The following PAQR3 variants were observed in gnomAD, a reference collection of about 807,000 sequenced individuals.
The protein encoded by PAQR3 is Raf kinase trapping to Golgi.
PAQR3 carries 39 observed loss-of-function variants against 41.7 expected under a neutral mutation model. The ratio of observed to expected loss-of-function variants is 0.93; its 90% CI spans 0.72 to 1.22. The LOEUF (loss-of-function observed/expected upper bound fraction) is 1.22. Ranked by LOEUF, PAQR3 falls within the 50% of genes most tolerant of loss-of-function variation. PAQR3 has a pLI of 0.00. For synonymous variants in PAQR3, 140 were observed against 140.6 expected (o/e 1.00, Z 0.03); for missense variants, 366 against 385.6 (o/e 0.95, Z 0.42).
In PAQR3 at chr4:78,914,456, A is replaced by G. The variant is rs748799523; in HGVS notation, c.*6083T>C. ...GATTCCTTTGTGTTGTAGTAGAGGC[A>G]TTTTCCTAAGGAGTATAGATTTATA... On this transcript the variant is annotated 3_prime_UTR_variant, in exon 6 of 6. Transcript: ENST00000512733. The G allele has an allele frequency of 6.6e-6, 1 of 151,904 alleles. No individual in the cohort carries two copies. Among genetic ancestry groups the G allele is most frequent in the Non-Finnish European group, 1.5e-5 (1 of 67,916 alleles). The allele number at this position is 151,904 out of a possible 1,614,324, so 9.4% of individuals were successfully genotyped here. A position where few individuals can be genotyped will look rare whatever the true frequency, so the allele number is the denominator to read the frequency against.
Position 78,887,143 on chromosome 4 carries a change from T to G in PAQR3, c.*1091A>C, listed in dbSNP as rs772920764. 3 of 1,379,372 alleles carry G rather than the reference T, an allele frequency of 2.2e-6. No individual in the cohort carries two copies. The South Asian group carries it at 3.8e-5, about 18-fold the overall frequency. The allele number at this position is 1,379,372 out of a possible 1,614,324, so 85.4% of individuals were successfully genotyped here. ...TAAAGATCATTTTTATTTCATTTCA[T>G]TTTTTATTTCGTTTCATCTTATTTT... On this transcript the variant is annotated 3_prime_UTR_variant and NMD_transcript_variant, in exon 13 of 13. Transcript: ENST00000342820.
At chr4:78,903,693 TA>T (rs1198715818) in intron 11 of PAQR3, among the ~76,000 whole-genome samples, 3 of 151,848 alleles carry the variant, frequency 2.0e-5, no homozygotes, top group Admixed American at 1.3e-4. Flanking sequence ...TACAGAATAT[TA>T]AAAAAAATTT....
In PAQR3 at chr4:78,918,012, T is replaced by C; in HGVS notation, c.*2527A>G. On this transcript the variant is annotated 3_prime_UTR_variant, in exon 6 of 6. Transcript: ENST00000512733. ...GCTTACTGAATTGCAGTTAGTGTAATAACAAAAAAAGACAAGCACTGTCTT... is the reference window on the plus strand; with the variant it reads ...GCTTACTGAATTGCAGTTAGTGTAACAACAAAAAAAGACAAGCACTGTCTT... The C allele has an allele frequency of 1.3e-5, 13 of 982,430 alleles. No individual in the cohort carries two copies. The highest frequency in any genetic ancestry group is 1.5e-5 in the Non-Finnish European group (12 of 826,902). 60.9% of individuals were successfully genotyped at this position (982,430 alleles called of 1,614,324 possible). A position where few individuals can be genotyped will look rare whatever the true frequency, so the allele number is the denominator to read the frequency against.
At chr4:78,934,315 T>C (rs1247383960) in intron 2 of PAQR3, among the ~76,000 whole-genome samples, 1 of 152,210 alleles carries the variant, frequency 6.6e-6, no homozygotes, top group Non-Finnish European at 1.5e-5. Context: ...AAAGCGACAT[T>C]TGTGCAGCTG....
chr4:78,933,139 C>A, intron 2 of PAQR3: 1 of 455,778 alleles, frequency 2.2e-6, no homozygotes, highest in Non-Finnish European at 4.4e-6. Flanking sequence ...AAATGCCCTG[C>A]CTCACTGTCT....
At position 78,939,248 on chromosome 4, in the gene PAQR3, C is replaced by T; in HGVS notation, c.-24G>A. The stretch of plus-strand genomic sequence containing the variant: ...ATCGTTCCCGGCCGCCGCCGCTCCC[C>T]GGCTCGGGAGCTCCCCCAGGTCCCG... On this transcript the variant is annotated 5_prime_UTR_variant, in exon 1 of 6. Coordinates refer to ENST00000512733, the MANE Select transcript of PAQR3 (RefSeq NM_001040202.2). The T allele has an allele frequency of 6.4e-7, 1 of 1,569,918 alleles. No individual in the cohort carries two copies. Among genetic ancestry groups the T allele is most frequent in the African/African-American group, 1.4e-5 (1 of 71,146 alleles).
chr4:78,919,027 G>T lies in PAQR3; in HGVS notation c.*1512C>A. The stretch of plus-strand genomic sequence containing the variant: ...ATTCCTTTACTGAGCCTCCTGGGGG[G>T]AAATTCTCTTTGCTGAGATACTATA... On this transcript the variant is annotated 3_prime_UTR_variant, in exon 6 of 6. Transcript: ENST00000512733. 1 of 984,966 alleles carries T rather than the reference G, an allele frequency of 1.0e-6. No individual in the cohort carries two copies. Among genetic ancestry groups the T allele is most frequent in the Non-Finnish European group, 1.2e-6 (1 of 829,724 alleles). 61.0% of individuals were successfully genotyped at this position (984,966 alleles called of 1,614,324 possible). A position where few individuals can be genotyped will look rare whatever the true frequency, so the allele number is the denominator to read the frequency against.
intron 2 of PAQR3, among the ~76,000 whole-genome samples, chr4:78,931,531 A>G (rs1196194928): frequency 6.6e-6 from 1 of 152,252 alleles, no homozygotes; most frequent in Admixed American, 6.5e-5. Context: ...AATGCCTTTC[A>G]GCTATTAAGT....
chr4:78,918,574 C>T lies in PAQR3; in HGVS notation c.*1965G>A. 1 of 974,752 alleles carries T rather than the reference C, an allele frequency of 1.0e-6. No individual in the cohort carries two copies. The highest frequency in any genetic ancestry group is 1.2e-6 in the Non-Finnish European group (1 of 819,954). The allele number at this position is 974,752 out of a possible 1,614,324, so 60.4% of individuals were successfully genotyped here. The stretch of plus-strand genomic sequence containing the variant: ...AATTTTCCCTACAGAAAGACCTGTA[C>T]ACCCTTTAAATTCAAAGAAACACGG... On this transcript the variant is annotated 3_prime_UTR_variant, in exon 6 of 6. Coordinates refer to ENST00000512733, the MANE Select transcript of PAQR3 (RefSeq NM_001040202.2).
At chr4:78,893,570 A>G (rs1210798794) in intron 11 of PAQR3, among the ~76,000 whole-genome samples, 1 of 152,208 alleles carries the variant, frequency 6.6e-6, no homozygotes, top group Non-Finnish European at 1.5e-5. Flanking sequence ...TTCTTAAATA[A>G]TAAGACTTTT....
rs1292396673 is a variant in PAQR3 at position 78,912,018 on chromosome 4, T to C, written c.*8521A>G. 1.9e-6 allele frequency: 3 copies of C among 1,610,332 alleles called. No homozygotes were observed. On this transcript the variant is annotated 3_prime_UTR_variant, in exon 6 of 6. Coordinates refer to ENST00000512733, the MANE Select transcript of PAQR3 (RefSeq NM_001040202.2). ...TAGACCCATTTGGTGCTGCTCCATTTCCTTCTAAACAGTAGATACTTCTGA... is the reference window on the plus strand; with the variant it reads ...TAGACCCATTTGGTGCTGCTCCATTCCCTTCTAAACAGTAGATACTTCTGA...
chr4:78,939,333 G>A lies in PAQR3; in HGVS notation c.-109C>T. 8 of 1,054,976 alleles carry A rather than the reference G, an allele frequency of 7.6e-6. No individual in the cohort carries two copies. The highest frequency in any genetic ancestry group is 1.0e-5 in the Non-Finnish European group (8 of 782,752). The allele number at this position is 1,054,976 out of a possible 1,614,324, so 65.4% of individuals were successfully genotyped here. ...CCGCCCCGGAGCCCGCGGACGCTGC[G>A]CGAGGTCCTACCGCGCTGCCGCTGC... On this transcript the variant is annotated 5_prime_UTR_variant, in exon 1 of 6. Transcript: ENST00000512733.
At chr4:78,894,112 T>G (rs1039813456) in intron 11 of PAQR3, among the ~76,000 whole-genome samples, 3 of 152,248 alleles carry the variant, frequency 2.0e-5, no homozygotes, top group African/African-American at 7.2e-5. Flanking sequence ...CAGGCTTTGT[T>G]ATTTCATTTA....
At chr4:78,910,969 C>T (rs1159320492), downstream of PAQR3, 1 of 1,613,334 alleles carries the variant, frequency 6.2e-7, no homozygotes, top group African/African-American at 1.3e-5. Flanking sequence ...TGATTATGAG[C>T]AGGCTAAAGC....
At chr4:78,894,838 C>T (rs1031695312) in intron 11 of PAQR3, among the ~76,000 whole-genome samples, 3 of 152,164 alleles carry the variant, frequency 2.0e-5, no homozygotes, top group Admixed American at 6.5e-5. Context: ...AGATGCATCT[C>T]GTCCTTTCAC....
intron 5 of PAQR3, among the ~76,000 whole-genome samples, chr4:78,921,134 G>A (rs1735624039): frequency 6.6e-6 from 1 of 151,934 alleles, no homozygotes; most frequent in Admixed American, 6.6e-5. Flanking sequence ...TCAAGCAGGT[G>A]TGCAAAGAAA....
At position 78,930,147 on chromosome 4, in the gene PAQR3, G is replaced by A. The variant is rs771395018; in HGVS notation, c.504+23C>T. The A allele has an allele frequency of 1.6e-4, 252 of 1,583,750 alleles. 2 individuals carry two copies. The highest frequency in any genetic ancestry group is 6.7e-5 in the Non-Finnish European group (78 of 1,166,772). On this transcript the variant is annotated intron_variant, in intron 3 of 5. Coordinates refer to ENST00000512733, the MANE Select transcript of PAQR3 (RefSeq NM_001040202.2). The stretch of plus-strand genomic sequence containing the variant: ...CCAAGACCAATATGAAAGGTCGAAT[G>A]TAAAATGTTTTCATCTACTTACGTT...
At chr4:78,922,803 G>C (rs1735791449) in intron 5 of PAQR3, 9 of 406,534 alleles carry the variant, frequency 2.2e-5, no homozygotes, top group South Asian at 1.6e-4. Flanking sequence ...AGGAAAACTG[G>C]AGCTGAGAGC....
chr4:78,908,875 C>T (rs534919864), downstream of PAQR3, among the ~76,000 whole-genome samples: 8 of 151,996 alleles, frequency 5.3e-5, no homozygotes, highest in South Asian at 2.1e-4. Context: ...GTTTCTATCA[C>T]GCCACTCATT....
Sources: allele counts gnomAD v4.1 joint callset (sites outside exome capture counted in the v4.1 genomes callset), GRCh38; gene constraint gnomAD v4.1.1; transcripts MANE v1.5; gene names NCBI Gene and HGNC (gene_info 2026-07-23, HGNC 2026-07-21).